Variants in GALNT17 observed in about 807,000 individuals in gnomAD.
GALNT17 encodes the protein UDP-GalNAc:polypeptide N-acetylgalactosaminyltransferase-like 3.
A neutral mutation model predicts 63.7 loss-of-function variants in GALNT17; 29 were observed. That is an observed-to-expected ratio of 0.46 (90% confidence interval 0.34 to 0.62). GALNT17 has a LOEUF of 0.62. Among genes scored for constraint, GALNT17 ranks in the 20% least tolerant of loss-of-function variants. GALNT17 has a pLI of 0.01. For missense variants in GALNT17, 603 were observed against 799.6 expected (o/e 0.75, Z 2.97); for synonymous variants, 305 against 318.3 (o/e 0.96, Z 0.45).
At chr7:71,629,733 C>G (rs990505291) in intron 6 of GALNT17, among the ~76,000 whole-genome samples, 1 of 152,190 alleles carries the variant, frequency 6.6e-6, no homozygotes, top group African/African-American at 2.4e-5. Context: ...ATCCCCCTGC[C>G]TCAGCTTCCC....
intron 6 of GALNT17, among the ~76,000 whole-genome samples, chr7:71,591,390 C>T (rs117743115): frequency 0.016 from 2,507 of 152,146 alleles, 26 homozygotes; most frequent in Middle Eastern, 0.065. Flanking sequence ...TCACAAGGAA[C>T]AGCTGTAAGG....
intron 1 of GALNT17, among the ~76,000 whole-genome samples, chr7:71,333,853 C>G (rs376181160): frequency 5.3e-5 from 8 of 152,282 alleles, no homozygotes; most frequent in African/African-American, 1.9e-4. Context: ...ACTGTACATT[C>G]CCACTAGTAA....
At chr7:71,201,965 G>A (rs1234911680) in intron 1 of GALNT17, among the ~76,000 whole-genome samples, 1 of 152,094 alleles carries the variant, frequency 6.6e-6, no homozygotes, top group East Asian at 1.9e-4. Context: ...AAACATTTGG[G>A]ATCTATGTCT....
chr7:71,440,982 G>A (rs568215067), intron 5 of GALNT17, among the ~76,000 whole-genome samples: 69 of 151,622 alleles, frequency 4.6e-4, no homozygotes, highest in African/African-American at 1.5e-3. Context: ...TGTCTTGTGC[G>A]TTGGAGAGAA....
At chr7:71,393,951 G>C (rs1055220055) in intron 3 of GALNT17, among the ~76,000 whole-genome samples, 2 of 151,822 alleles carry the variant, frequency 1.3e-5, no homozygotes, top group African/African-American at 4.9e-5. Context: ...GGGGTGTATC[G>C]CTCCTCCTGG....
At chr7:71,251,773 C>T (rs1790202531) in intron 1 of GALNT17, among the ~76,000 whole-genome samples, 1 of 152,188 alleles carries the variant, frequency 6.6e-6, no homozygotes, top group South Asian at 2.1e-4. Flanking sequence ...CAGATAGTGG[C>T]TCCAGACAAG....
chr7:71,384,121 T>C (rs1317451913), intron 2 of GALNT17, among the ~76,000 whole-genome samples: 1 of 152,220 alleles, frequency 6.6e-6, no homozygotes, highest in Non-Finnish European at 1.5e-5. Flanking sequence ...GTTTTTGTTT[T>C]GTTTTGTTTT....
rs551781546 is a variant in GALNT17 at position 71,318,545 on chromosome 7, G to A, written c.239-17005G>A. Among the ~76,000 whole-genome samples the A allele has an allele frequency of 4.7e-3, 709 of 151,348 alleles. 4 individuals are homozygous for A. The highest frequency in any genetic ancestry group is 0.017 in the Middle Eastern group (5 of 288). ...AGCGACTCTCCTGCCTCAGCCTCCCGAGTAGCTGGGACTACAGGCATGCAC... is the reference window on the plus strand; with the variant it reads ...AGCGACTCTCCTGCCTCAGCCTCCCAAGTAGCTGGGACTACAGGCATGCAC... On this transcript the variant is annotated intron_variant, in intron 1 of 10. Transcript: ENST00000333538.
chr7:71,265,329 A>G (rs1790474932), intron 1 of GALNT17, among the ~76,000 whole-genome samples: 1 of 150,930 alleles, frequency 6.6e-6, no homozygotes, highest in Non-Finnish European at 1.5e-5. Flanking sequence ...GTTTCACCAT[A>G]TCGGCCAGGC....
chr7:71,516,760 A>G (rs1456752314), intron 5 of GALNT17, among the ~76,000 whole-genome samples: 1 of 152,138 alleles, frequency 6.6e-6, no homozygotes, highest in African/African-American at 2.4e-5. Flanking sequence ...ATTTCTCCCC[A>G]TTCTGCCCAT....
intron 7 of GALNT17, among the ~76,000 whole-genome samples, chr7:71,666,190 T>G (rs1443004949): frequency 1.3e-5 from 2 of 152,036 alleles, no homozygotes; most frequent in African/African-American, 2.4e-5. Context: ...CATTCATCCC[T>G]TGGTATCCAC....
In GALNT17 at chr7:71,416,014, G is replaced by A. The variant is rs1292542852; in HGVS notation, c.715G>A (p.Gly239Arg). The change falls in exon 4 of 11, where the codon GGG becomes AGG. Residue 239 changes from glycine to arginine, a missense_variant. Coordinates refer to ENST00000333538, the MANE Select transcript of GALNT17 (RefSeq NM_022479.3). ...CATTGAGGGCTGGAAGGTGGCTACC[G>A]GGCAGGTCACTGGCTTCTTTGATGC... ...ARIEGWKVAT[G>R]QVTGFFDAHV... 9 of 1,613,338 alleles carry A rather than the reference G, an allele frequency of 5.6e-6. No homozygotes were observed. The highest frequency in any genetic ancestry group is 1.7e-5 in the Admixed American group (1 of 59,914).
At position 71,332,914 on chromosome 7, in the gene GALNT17, C is replaced by T. The variant is rs189967647; in HGVS notation, c.239-2636C>T. On this transcript the variant is annotated intron_variant, in intron 1 of 10. Transcript: ENST00000333538. ...TGTTGGCCAGGCTGGTCCCGAACTCCTGACCTCAAGTGATCCGCCCACCTC... is the reference window on the plus strand; with the variant it reads ...TGTTGGCCAGGCTGGTCCCGAACTCTTGACCTCAAGTGATCCGCCCACCTC... 9.0e-4 allele frequency among the ~76,000 whole-genome samples: 137 copies of T among 152,304 alleles called. 1 individual carries two copies. The highest frequency in any genetic ancestry group is 3.4e-3 in the Middle Eastern group (1 of 294).
intron 2 of GALNT17, among the ~76,000 whole-genome samples, chr7:71,372,974 G>A (rs184271609): frequency 2.6e-5 from 4 of 152,316 alleles, no homozygotes; most frequent in East Asian, 3.9e-4. Context: ...GCATGTCGAG[G>A]TGGGGAGCTT....
At chr7:71,443,573 T>A (rs1787107796) in intron 5 of GALNT17, among the ~76,000 whole-genome samples, 1 of 152,180 alleles carries the variant, frequency 6.6e-6, no homozygotes, top group Non-Finnish European at 1.5e-5. Flanking sequence ...TTTCTCCACG[T>A]GATGCCTGCC....
intron 5 of GALNT17, among the ~76,000 whole-genome samples, chr7:71,431,932 TG>T (rs5884837): frequency 0.6 from 91,788 of 151,856 alleles, 29,188 homozygotes; most frequent in Admixed American, 0.72. Context: ...CCCAGCACTT[TG>T]GGAGGCCAAG....
chr7:71,349,551 G>A (rs1792154777), intron 2 of GALNT17, among the ~76,000 whole-genome samples: 1 of 152,146 alleles, frequency 6.6e-6, no homozygotes, highest in Non-Finnish European at 1.5e-5. Flanking sequence ...AGTCACATGC[G>A]GTAAACCAGA....
chr7:71,522,574 G>T (rs1788547129), intron 5 of GALNT17, among the ~76,000 whole-genome samples: 1 of 152,028 alleles, frequency 6.6e-6, no homozygotes, highest in African/African-American at 2.4e-5. Context: ...GAACAGTATG[G>T]GAAAGACCCT....
intron 6 of GALNT17, among the ~76,000 whole-genome samples, chr7:71,631,228 T>C (rs1352200030): frequency 1.3e-5 from 2 of 151,914 alleles, no homozygotes; most frequent in Admixed American, 6.6e-5. Context: ...ACAATTGCCC[T>C]GTTGCCCAGG....
Sources: gnomAD v4.1 joint callset for allele counts (sites outside exome capture counted in the v4.1 genomes callset) on GRCh38, gnomAD v4.1.1 for gene constraint, MANE v1.5 for transcripts, NCBI Gene and HGNC (gene_info 2026-07-23, HGNC 2026-07-21) for gene names.